The following ANXA6 variants were observed in gnomAD, a reference collection of about 807,000 sequenced individuals.
ANXA6 encodes the protein annexin A6.
In ANXA6, 71 loss-of-function variants were observed where a neutral mutation model predicts 95.4. That is an observed-to-expected ratio of 0.74 (90% CI 0.61 to 0.91). The LOEUF is 0.91. Among genes scored for constraint, ANXA6 ranks in the 40% least tolerant of loss-of-function variants. The pLI, the probability that ANXA6 is intolerant of heterozygous loss-of-function variation, is 0.00. For missense variants in ANXA6, 830 were observed against 876.4 expected (o/e 0.95, Z 0.67); for synonymous variants, 289 against 315.9 (o/e 0.91, Z 0.90).
rs761642539 is a variant in ANXA6, at chr5:151,139,397, G to C, written c.160C>G (p.Gln54Glu). ...TAGCTCTGGCAGACCTCCTGCCTCT[G>C]CCTGTTGCTCCGTGAGGTGATTATG... ...LDIITSRSNR[Q>E]RQEVCQSYKS... The change falls in exon 4 of 26, where the codon CAG becomes GAG. Residue 54 changes from glutamine (Q) to glutamate (E), a missense_variant. Coordinates refer to ENST00000354546, the MANE Select transcript of ANXA6 (RefSeq NM_001155.5). 3.8e-5 allele frequency: 62 copies of C among 1,613,472 alleles called. No individual in the cohort carries two copies. The highest frequency in any genetic ancestry group is 5.2e-5 in the Non-Finnish European group (61 of 1,179,656).
intron 23 of ANXA6, among the ~76,000 whole-genome samples, chr5:151,106,024 T>A (rs1764686760): frequency 6.6e-6 from 1 of 151,944 alleles, no homozygotes; most frequent in African/African-American, 2.4e-5. Context: ...TGCTTGAGAG[T>A]TACTGATTTA....
chr5:151,152,677 A>G (rs1342959815), intron 1 of ANXA6, among the ~76,000 whole-genome samples: 1 of 152,148 alleles, frequency 6.6e-6, no homozygotes, highest in African/African-American at 2.4e-5. Flanking sequence ...CCACTTTCCA[A>G]ATGTTTTAAT....
chr5:151,128,063 T>C (rs928176019), intron 13 of ANXA6, 118 bp downstream of exon 13: 2 of 888,790 alleles, frequency 2.3e-6, no homozygotes, highest in South Asian at 2.8e-5. Context: ...TGTGCGACGC[T>C]CCTGGCTCAG....
At chr5:151,144,124 T>TGCGGG (rs1377743037) in intron 2 of ANXA6, among the ~76,000 whole-genome samples, 29 of 152,192 alleles carry the variant, frequency 1.9e-4, no homozygotes, top group Admixed American at 5.2e-4. Context: ...GCTCTAGCCC[T>TGCGGG]GCTGGGCTGG....
Position 151,133,165 on chromosome 5 carries a change from A to C in ANXA6, c.569T>G (p.Leu190Arg), listed in dbSNP as rs369543371. The change falls in exon 9 of 26, where the codon CTG (leucine) becomes CGG (arginine). Residue 190 changes from leucine to arginine, a missense_variant. Coordinates refer to ENST00000354546, the MANE Select transcript of ANXA6 (RefSeq NM_001155.5). ...DVQDLYEAGELKWGTDEAQFI... is the reference protein window; with the variant it reads ...DVQDLYEAGERKWGTDEAQFI... ...CTGGGCTTCATCTGTTCCCCATTTC[A>C]GTTCCCCTGCCTCGTATAGGTCCTG... 1 of 1,593,646 alleles carries C rather than the reference A, an allele frequency of 6.3e-7. No individual in the cohort carries two copies. The highest frequency in any genetic ancestry group is 8.6e-7 in the Non-Finnish European group (1 of 1,169,408).
Position 151,122,197 on chromosome 5 carries a change from T to C in ANXA6, c.1297A>G (p.Met433Val). The C allele has an allele frequency of 6.2e-7, 1 of 1,603,426 alleles. No individual in the cohort carries two copies. The highest frequency in any genetic ancestry group is 8.5e-7 in the Non-Finnish European group (1 of 1,176,208). ...GCATCGTAATGGGCCGGTGGCATCA[T>C]GAGCCCCAGAATCAGCCTTGCCAGG... ...GDLARLILGL[M>V]MPPAHYDAKQ... is the part of the protein sequence containing the mutation. Residue 433 changes from methionine (M) to valine (V), a missense_variant, in exon 17 of 26, where the codon ATG becomes GTG. Coordinates refer to ENST00000354546, the MANE Select transcript of ANXA6 (RefSeq NM_001155.5).
chr5:151,111,576 CT>C (rs1764851146), intron 20 of ANXA6, among the ~76,000 whole-genome samples: 1 of 152,180 alleles, frequency 6.6e-6, no homozygotes, highest in African/African-American at 2.4e-5. Context: ...GAATACAAGA[CT>C]GTTCACTGCA....
At chr5:151,129,696 GTTTTGT>G (rs1472854206) in intron 11 of ANXA6, among the ~76,000 whole-genome samples, 167 bp from the exon 12 acceptor site, 5 of 100,880 alleles carry the variant, frequency 5.0e-5, no homozygotes, top group African/African-American at 1.9e-4. Context: ...TCCTCTTACT[GTTTTGT>G]TTGTTTGTTT....
intron 11 of ANXA6, among the ~76,000 whole-genome samples, chr5:151,130,644 G>T (rs1459809344): frequency 1.3e-5 from 2 of 152,208 alleles, no homozygotes; most frequent in Non-Finnish European, 2.9e-5. Context: ...TGGCACACTG[G>T]TGGGCAGAGA....
intron 2 of ANXA6, among the ~76,000 whole-genome samples, chr5:151,147,329 C>T (rs1173731835): frequency 3.3e-5 from 5 of 152,230 alleles, no homozygotes; most frequent in African/African-American, 4.8e-5. Flanking sequence ...CATTTCCCTT[C>T]GTCAGGCCAA....
intron 2 of ANXA6, among the ~76,000 whole-genome samples, chr5:151,145,020 C>A (rs563196546): frequency 3.3e-5 from 5 of 152,322 alleles, no homozygotes; most frequent in African/African-American, 1.2e-4. Flanking sequence ...GGCTTCTCCT[C>A]ACCCACCCCA....
intron 17 of ANXA6, among the ~76,000 whole-genome samples, chr5:151,121,685 C>T (rs1486147516): frequency 6.6e-6 from 1 of 152,182 alleles, no homozygotes; most frequent in African/African-American, 2.4e-5. Context: ...CTGGTGCTTT[C>T]GTTCGAGACC....
intron 1 of ANXA6, 63 bp from the exon 2 acceptor site, chr5:151,147,989 T>C: frequency 6.8e-7 from 1 of 1,468,876 alleles, no homozygotes; most frequent in Non-Finnish European, 9.3e-7. Context: ...TTTCTTTCCC[T>C]TACATTTCCT....
chr5:151,108,607 A>G, intron 22 of ANXA6, 57 bp from the exon 23 acceptor site: 1 of 1,464,954 alleles, frequency 6.8e-7, no homozygotes, highest in South Asian at 1.1e-5. Context: ...GAGGCGGAGG[A>G]CCCCTCCTCA....
intron 20 of ANXA6, among the ~76,000 whole-genome samples, chr5:151,115,565 A>G (rs943086589): frequency 6.6e-6 from 1 of 152,186 alleles, no homozygotes; most frequent in Non-Finnish European, 1.5e-5. Context: ...TGGAAGATCA[A>G]TTCAGGGTTG....
chr5:151,119,376 A>G lies in ANXA6; in HGVS notation c.1362T>C (p.Asp454=). ...LKKAMEGAGT[D]EKALIEILAT... ...CCAGGATTTCAATAAGAGCCTTTTC[A>G]TCTGTGCCGGCTCCCTGGAATGTCA... The change falls in exon 18 of 26, where the codon GAT becomes GAC. Residue 454 remains aspartate, a synonymous_variant. Transcript: ENST00000354546. The G allele has an allele frequency of 2.5e-6, 4 of 1,613,828 alleles. No homozygotes were observed. Among genetic ancestry groups the G allele is most frequent in the Non-Finnish European group, 3.4e-6 (4 of 1,179,850 alleles).
intron 2 of ANXA6, among the ~76,000 whole-genome samples, chr5:151,144,787 C>T (rs1045040647): frequency 4.6e-5 from 7 of 152,146 alleles, no homozygotes; most frequent in East Asian, 1.9e-4. Flanking sequence ...GTTCTTTGCA[C>T]GGGACTAATA....
rs766223925 is a variant in ANXA6 at position 151,134,430 on chromosome 5, G to C, written c.543C>G (p.Val181=). ...ACTTTCAGTGGTGCTTGTTTACCTG[G>C]ACATCCTGTTGTACCAGGTCCTCGC... The part of the protein sequence containing the change: ...VVSEDLVQQD[V]QDLYEAGELK... Residue 181 remains valine (V), a synonymous_variant, in exon 8 of 26, where the codon GTC becomes GTG. Transcript: ENST00000354546. 6.2e-7 allele frequency: 1 copy of C among 1,613,756 alleles called. No individual in the cohort carries two copies. Among genetic ancestry groups the C allele is most frequent in the African/African-American group, 1.3e-5 (1 of 74,860 alleles).
rs1352368846 is a variant in ANXA6 at position 151,131,214 on chromosome 5, T to A, written c.795+17A>T. 6.2e-7 allele frequency: 1 copy of A among 1,613,652 alleles called. No homozygotes were observed. The highest frequency in any genetic ancestry group is 1.3e-5 in the African/African-American group (1 of 74,924). ...GTCCTCTCCCCAAACCCCATTCACATCAGCCCCACCACGCACCTTCATAGC... is the reference window on the plus strand; with the variant it reads ...GTCCTCTCCCCAAACCCCATTCACAACAGCCCCACCACGCACCTTCATAGC... On this transcript the variant is annotated intron_variant, in intron 11 of 25. Coordinates refer to ENST00000354546, the MANE Select transcript of ANXA6 (RefSeq NM_001155.5).
Sources: allele counts gnomAD v4.1 joint callset (sites outside exome capture counted in the v4.1 genomes callset), GRCh38; gene constraint gnomAD v4.1.1; transcripts MANE v1.5; gene names NCBI Gene and HGNC (gene_info 2026-07-23, HGNC 2026-07-21).